The following TBL1X variants were observed in gnomAD, a reference collection of about 807,000 sequenced individuals.
The protein encoded by TBL1X is F-box-like/WD repeat-containing protein TBL1X.
Under a neutral mutation model 50.7 loss-of-function variants are expected in TBL1X, and 10 were observed. That is an observed-to-expected ratio of 0.20 (90% CI 0.12 to 0.33). TBL1X has a LOEUF of 0.33. TBL1X is among the 10% of genes least tolerant of loss of function. TBL1X has a pLI of 1.00. For missense variants in TBL1X, 340 were observed against 504.4 expected, an observed-to-expected ratio of 0.67 and a Z score of 3.12; for synonymous variants, 190 against 214.7, an observed-to-expected ratio of 0.88 and a Z score of 1.01.
intron 12 of TBL1X, among the ~76,000 whole-genome samples, chrX:9,700,914 CT>C (rs1356411249): frequency 8.9e-6 from 1 of 111,784 alleles, no homozygotes; most frequent in Non-Finnish European, 1.9e-5. Context: ...AGGTTGCATG[CT>C]CTGTGCTTTC....
intron 2 of TBL1X, among the ~76,000 whole-genome samples, chrX:9,611,304 C>A (rs753891537): frequency 2.7e-5 from 3 of 112,643 alleles, no homozygotes; most frequent in African/African-American, 9.7e-5. Flanking sequence ...GCAAAACACT[C>A]TGTCTTCATT....
chrX:9,691,647 C>A lies in TBL1X; in HGVS notation c.685C>A (p.Arg229=). 3 of 1,210,983 alleles carry A rather than the reference C, an allele frequency of 2.5e-6. No individual in the cohort carries two copies. The highest frequency in any genetic ancestry group is 3.5e-5 in the South Asian group (2 of 56,907). The change falls in exon 8 of 18, where the codon CGG becomes AGG. Residue 229 remains arginine (R), a synonymous_variant. Transcript: ENST00000645353. ...TCCATCCAGCAAAGCCACAGTCCTT[C>A]GGGGCCATGAGTCTGAGGTGTTCAT... ...EIPSSKATVL[R]GHESEVFICA...
At chrX:9,476,628 G>T (rs923087793) in intron 1 of TBL1X, among the ~76,000 whole-genome samples, 1 of 111,926 alleles carries the variant, frequency 8.9e-6, no homozygotes, top group Non-Finnish European at 1.9e-5. Context: ...GAGGCACAGA[G>T]GTATGTAGGG....
At chrX:9,668,140 T>A (rs184590737) in intron 5 of TBL1X, among the ~76,000 whole-genome samples, 1 of 111,525 alleles carries the variant, frequency 9.0e-6, no homozygotes, top group Admixed American at 9.6e-5. Context: ...TCAGTGTATG[T>A]TATCATTAAT....
At chrX:9,675,869 T>G (rs1322014559) in intron 5 of TBL1X, among the ~76,000 whole-genome samples, 1 of 95,479 alleles carries the variant, frequency 1.0e-5, no homozygotes, top group Non-Finnish European at 2.1e-5. Flanking sequence ...CCAGCCTGGG[T>G]GACAAGAATG....
chrX:9,533,595 G>A (rs1292120762), intron 2 of TBL1X, among the ~76,000 whole-genome samples: 2 of 111,387 alleles, frequency 1.8e-5, no homozygotes, highest in Admixed American at 1.9e-4. Context: ...TCTTTGTGGA[G>A]AAGTGAAGGC....
intron 2 of TBL1X, among the ~76,000 whole-genome samples, chrX:9,516,043 T>G (rs989462550): frequency 5.4e-5 from 6 of 111,449 alleles, no homozygotes; most frequent in Middle Eastern, 4.6e-3. Flanking sequence ...GACCACTGTT[T>G]TTGTACATGT....
intron 13 of TBL1X, 76 bp from the exon 14 acceptor site, chrX:9,709,172 C>T: frequency 3.8e-6 from 4 of 1,049,595 alleles, no homozygotes; most frequent in Non-Finnish European, 3.9e-6. Context: ...TGGCGCGCTG[C>T]TGCCCCCTGC....
chrX:9,661,516 C>A (rs1045746294), intron 5 of TBL1X, among the ~76,000 whole-genome samples: 2 of 111,000 alleles, frequency 1.8e-5, no homozygotes, highest in Non-Finnish European at 3.8e-5. Flanking sequence ...CAGAGTGAGA[C>A]CCTGTCTGAA....
chrX:9,706,750 C>T (rs2083210296), intron 13 of TBL1X, among the ~76,000 whole-genome samples: 1 of 111,464 alleles, frequency 9.0e-6, no homozygotes, highest in Admixed American at 9.5e-5. Flanking sequence ...CTAGCCTCGA[C>T]CTCCTGGGCT....
chrX:9,655,509 C>G, intron 5 of TBL1X, among the ~76,000 whole-genome samples: 1 of 111,870 alleles, frequency 8.9e-6, no homozygotes. Flanking sequence ...GACCCTGTTT[C>G]TAAATAGTGT....
rs182693719 is a variant in TBL1X at position 9,524,697 on chromosome X, A to G, written c.-131+22848A>G. On this transcript the variant is annotated intron_variant, in intron 2 of 17. Coordinates refer to ENST00000645353, the MANE Select transcript of TBL1X (RefSeq NM_005647.4). ...CTGCTACAAACTTGCCTGCACAAAT[A>G]TTTCCTTAAGATCCTGCTTTCAGTT... 2.7e-5 allele frequency among the ~76,000 whole-genome samples: 3 copies of G among 112,083 alleles called. No homozygotes were observed. The East Asian group carries it at 8.4e-4, about 31-fold the overall frequency.
chrX:9,640,387 C>T (rs776781702), intron 3 of TBL1X, 27 bp downstream of exon 3: 2 of 111,776 alleles, frequency 1.8e-5, no homozygotes, highest in Non-Finnish European at 3.8e-5. Flanking sequence ...GCCATTGGAT[C>T]CTTGCCCTTG....
chrX:9,581,110 A>G (rs2082439206), intron 2 of TBL1X, among the ~76,000 whole-genome samples: 1 of 111,866 alleles, frequency 8.9e-6, no homozygotes, highest in African/African-American at 3.3e-5. Flanking sequence ...TTAAAAAACT[A>G]AGGGCTGTAG....
chrX:9,628,795 A>G (rs1402955076), intron 2 of TBL1X, among the ~76,000 whole-genome samples: 8 of 111,403 alleles, frequency 7.2e-5, no homozygotes, highest in African/African-American at 2.6e-4. Flanking sequence ...TGATCCTCCC[A>G]CCTTGGCCTC....
intron 2 of TBL1X, among the ~76,000 whole-genome samples, chrX:9,563,979 C>T (rs183522536): frequency 9.4e-4 from 106 of 112,609 alleles, no homozygotes; most frequent in Non-Finnish European, 4.5e-4. Flanking sequence ...AAGAGTCACA[C>T]GAAGGATCTT....
chrX:9,589,599 G>T (rs1323540006), intron 2 of TBL1X, among the ~76,000 whole-genome samples: 2 of 111,284 alleles, frequency 1.8e-5, no homozygotes, highest in African/African-American at 6.5e-5. Flanking sequence ...CATTGCGCTT[G>T]CTGTTGTTTA....
intron 2 of TBL1X, among the ~76,000 whole-genome samples, chrX:9,546,994 A>G (rs1180552391): frequency 9.6e-6 from 1 of 103,772 alleles, no homozygotes; most frequent in East Asian, 3.1e-4. Context: ...AATTTTTTGT[A>G]TTTTTAGTAG....
At chrX:9,528,902 T>TG (rs1240522032) in intron 2 of TBL1X, among the ~76,000 whole-genome samples, 1 of 109,089 alleles carries the variant, frequency 9.2e-6, no homozygotes, top group Non-Finnish European at 1.9e-5. Flanking sequence ...CAGCTGGAGA[T>TG]GGGGGGAAGC....
Sources: gnomAD v4.1 joint callset for allele counts (sites outside exome capture counted in the v4.1 genomes callset) on GRCh38, gnomAD v4.1.1 for gene constraint, MANE v1.5 for transcripts, NCBI Gene and HGNC (gene_info 2026-07-23, HGNC 2026-07-21) for gene names.